The following ARMC6 variants were observed in gnomAD, a reference collection of about 807,000 sequenced individuals.
ARMC6 encodes the protein armadillo repeat containing 6.
A neutral mutation model predicts 49.2 loss-of-function variants in ARMC6; 43 were observed. The ratio of observed to expected loss-of-function variants is 0.87; its 90% CI spans 0.69 to 1.13. The LOEUF (loss-of-function observed/expected upper bound fraction) is 1.13, where lower values mean the gene tolerates loss of function less well. Ranked by LOEUF, ARMC6 falls within the 50% of genes most tolerant of loss-of-function variation. The pLI, the probability that ARMC6 is intolerant of heterozygous loss-of-function variation, is 0.00. For missense variants in ARMC6, 627 were observed against 682.0 expected, an observed-to-expected ratio of 0.92 and a Z score of 0.90; for synonymous variants, 262 against 289.6, an observed-to-expected ratio of 0.90 and a Z score of 0.97.
At chr19:19,045,977 T>C (rs1302890188) in intron 4 of ARMC6, among the ~76,000 whole-genome samples, 1 of 151,774 alleles carries the variant, frequency 6.6e-6, no homozygotes, top group Non-Finnish European at 1.5e-5. Flanking sequence ...TAAAATATGT[T>C]CTCTTAATCT....
Position 19,052,003 on chromosome 19 carries a change from G to A in ARMC6, c.661G>A (p.Val221Met), listed in dbSNP as rs34897775. The A allele has an allele frequency of 3.2e-5, 51 of 1,613,954 alleles. No individual in the cohort carries two copies. The Middle Eastern group carries it at 4.9e-4, about 16-fold the overall frequency. ...QNRQDLVKAG[V>M]LPLLTGAITH... The stretch of plus-strand genomic sequence containing the variant: ...TCGGCAAGACCTGGTGAAAGCTGGC[G>A]TGCTGCCTCTGCTGACTGGTGCCAT... Residue 221 changes from valine (V) to methionine (M), a missense_variant, in exon 5 of 9, where the codon GTG (valine) becomes ATG (methionine). Val to Met is a conservative substitution (Grantham distance 21). Transcript: ENST00000535612.
At chr19:19,043,001 C>CA in intron 3 of ARMC6, 124 bp downstream of exon 3, 1 of 1,217,004 alleles carries the variant, frequency 8.2e-7, no homozygotes, top group Non-Finnish European at 1.2e-6. Context: ...TGCCATTGGG[C>CA]CCTGTCCCCT....
intron 2 of ARMC6, among the ~76,000 whole-genome samples, chr19:19,035,895 T>C (rs994060205): frequency 2.0e-5 from 3 of 152,178 alleles, no homozygotes; most frequent in African/African-American, 7.2e-5. Flanking sequence ...ACGTGAGATA[T>C]AAATGAATAT....
rs2059522252 is a variant in ARMC6 at position 19,054,066 on chromosome 19, TCCAGTGGAGCA to T, written c.854-85_854-75del. On this transcript the variant is annotated intron_variant, in intron 5 of 8. Transcript: ENST00000535612. ...CCAATAGGCAGAAGGGCTGGACTCTTCCAGTGGAGCAGGATCTCCACCAAAACAGAGGGCCC... is the reference window on the plus strand; with the variant it reads ...CCAATAGGCAGAAGGGCTGGACTCTTGGATCTCCACCAAAACAGAGGGCCC... 3.6e-6 allele frequency: 5 copies of T among 1,373,840 alleles called. No individual in the cohort carries two copies. The East Asian group carries it at 1.1e-4, about 29-fold the overall frequency. The allele number at this position is 1,373,840 out of a possible 1,614,324, so 85.1% of individuals were successfully genotyped here. A position where few individuals can be genotyped will look rare whatever the true frequency, so the allele number is the denominator to read the frequency against.
rs748608132 is a variant in ARMC6 at position 19,042,767 on chromosome 19, A to G, written c.86A>G (p.Lys29Arg). The G allele has an allele frequency of 5.0e-6, 8 of 1,613,962 alleles. No individual in the cohort carries two copies. The highest frequency in any genetic ancestry group is 8.5e-7 in the Non-Finnish European group (1 of 1,180,046). The change falls in exon 3 of 9, where the codon AAG (lysine) becomes AGG (arginine). Residue 29 changes from lysine to arginine, a missense_variant. Lys to Arg is a conservative substitution (Grantham distance 26). Transcript: ENST00000535612. ...TCAACACAGGCGAAGATGGTCTCCA[A>G]GCGCATTGCCCAGGAGACCTTTGAT... Reference protein sequence around the residue: ...PTSTQAKMVSKRIAQETFDAA... With the variant: ...PTSTQAKMVSRRIAQETFDAA...
intron 2 of ARMC6, chr19:19,037,648 G>A (rs1467824241): frequency 9.2e-6 from 11 of 1,197,482 alleles, no homozygotes; most frequent in Non-Finnish European, 1.2e-5. Context: ...ACCATGCCTG[G>A]CCTGAAGTGG....
chr19:19,044,024 C>G lies in ARMC6; in HGVS notation c.229C>G (p.Pro77Ala). Residue 77 changes from proline to alanine, a missense_variant, in exon 4 of 9, where the codon CCT becomes GCT. Pro to Ala is a conservative substitution (Grantham distance 27). Coordinates refer to ENST00000535612, the MANE Select transcript of ARMC6 (RefSeq NM_001199196.2). ...VDLSNIVKTA[P>A]KVSADGSQEP... ...TCTGAGCAACATTGTAAAGACGGCA[C>G]CTAAAGTCTCTGCAGACGGATCCCA... is the stretch of plus-strand genomic sequence containing the variant. The G allele has an allele frequency of 6.2e-7, 1 of 1,614,132 alleles. No individual in the cohort carries two copies. The highest frequency in any genetic ancestry group is 1.1e-5 in the South Asian group (1 of 91,086).
chr19:19,040,562 T>C (rs974884361), intron 2 of ARMC6: 4 of 229,424 alleles, frequency 1.7e-5, no homozygotes, highest in Non-Finnish European at 3.7e-5. Context: ...TACAAGAGCA[T>C]GCCACCACTC....
At chr19:19,036,521 G>A (rs540544822) in intron 2 of ARMC6, among the ~76,000 whole-genome samples, 12 of 152,204 alleles carry the variant, frequency 7.9e-5, no homozygotes, top group Admixed American at 2.6e-4. Flanking sequence ...GATCTTGAGG[G>A]CCACAAGGAA....
At chr19:19,040,834 A>C in intron 2 of ARMC6, 1 of 398,954 alleles carries the variant, frequency 2.5e-6, no homozygotes, top group Non-Finnish European at 5.0e-6. Flanking sequence ...TTTGATATGT[A>C]CTGGATTTTT....
Position 19,045,493 on chromosome 19 carries a change from C to CTTTTTTTTTTTTCTTTTTT in ARMC6, c.279+1430_279+1431insTCTTTTTTTTTTTTTTTTT, listed in dbSNP as rs11270900. Among the ~76,000 whole-genome samples, 3 of 89,130 alleles carry CTTTTTTTTTTTTCTTTTTT rather than the reference C, an allele frequency of 3.4e-5. No homozygotes were observed. The East Asian group carries it at 1.1e-3, about 34-fold the overall frequency. 58.5% of individuals were successfully genotyped at this position (89,130 alleles called of 152,430 possible). A position where few individuals can be genotyped will look rare whatever the true frequency, so the allele number is the denominator to read the frequency against. On this transcript the variant is annotated intron_variant, in intron 4 of 8. Transcript: ENST00000535612. ...TAAGTGCTCAGCATTATGCTAAATT[C>CTTTTTTTTTTTTCTTTTTT]TTTTTTTTTTTGAGACAAGAGTCTC... is the stretch of plus-strand genomic sequence containing the variant.
At chr19:19,048,439 C>T (rs1432847133) in intron 4 of ARMC6, among the ~76,000 whole-genome samples, 5 of 151,790 alleles carry the variant, frequency 3.3e-5, no homozygotes, top group Admixed American at 3.3e-4. Flanking sequence ...GGGAGAATCA[C>T]TTGAATCCAG....
At chr19:19,041,736 G>A (rs1485451850) in intron 2 of ARMC6, among the ~76,000 whole-genome samples, 1 of 152,156 alleles carries the variant, frequency 6.6e-6, no homozygotes, top group Admixed American at 6.5e-5. Flanking sequence ...TATACAACTT[G>A]ACGATTTTAT....
chr19:19,036,384 G>A (rs28369262), intron 2 of ARMC6, among the ~76,000 whole-genome samples: 3,569 of 152,232 alleles, frequency 0.023, 135 homozygotes, highest in African/African-American at 0.082. Flanking sequence ...TTACATAAAC[G>A]TTAGGGCAGA....
At chr19:19,053,940 G>A (rs1385694285) in intron 5 of ARMC6, among the ~76,000 whole-genome samples, 1 of 151,776 alleles carries the variant, frequency 6.6e-6, no homozygotes, top group Non-Finnish European at 1.5e-5. Context: ...GAAGCGGGTT[G>A]GGGGGCACAT....
intron 4 of ARMC6, among the ~76,000 whole-genome samples, chr19:19,048,183 T>C (rs1295061947): frequency 6.6e-6 from 1 of 152,038 alleles, no homozygotes; most frequent in Non-Finnish European, 1.5e-5. Flanking sequence ...CCGTCTCTAC[T>C]AAAAATACAA....
At chr19:19,046,462 G>T (rs1479798477) in intron 4 of ARMC6, among the ~76,000 whole-genome samples, 2 of 151,786 alleles carry the variant, frequency 1.3e-5, no homozygotes, top group African/African-American at 4.8e-5. Flanking sequence ...CTCCCAAAGT[G>T]CTGGGATTAC....
At chr19:19,036,976 A>C (rs1291846722) in intron 2 of ARMC6, among the ~76,000 whole-genome samples, 1 of 152,048 alleles carries the variant, frequency 6.6e-6, no homozygotes, top group Non-Finnish European at 1.5e-5. Context: ...ACCTGAGGTC[A>C]GGAGTTCGAG....
chr19:19,041,968 G>GGCGCA (rs1488674312), intron 2 of ARMC6, among the ~76,000 whole-genome samples: 1 of 151,856 alleles, frequency 6.6e-6, no homozygotes, highest in East Asian at 1.9e-4. Context: ...GGAGTGCAGT[G>GGCGCA]GCGCAATCTT....
Sources: allele counts gnomAD v4.1 joint callset (sites outside exome capture counted in the v4.1 genomes callset), GRCh38; gene constraint gnomAD v4.1.1; transcripts MANE v1.5; gene names NCBI Gene and HGNC (gene_info 2026-07-23, HGNC 2026-07-21).